The following CEP63 variants were observed in gnomAD, a reference collection of about 807,000 sequenced individuals.
CEP63 encodes centrosomal protein of 63 kDa.
A neutral mutation model predicts 89.1 loss-of-function variants in CEP63; 84 were observed. That is an observed-to-expected ratio of 0.94 (90% CI 0.79 to 1.13). The LOEUF is 1.13. CEP63 is among the 50% of genes most tolerant of loss of function. CEP63 has a pLI of 0.00. For missense variants in CEP63, 838 were observed against 813.3 expected, an observed-to-expected ratio of 1.03 and a Z score of -0.37; for synonymous variants, 267 against 272.5, an observed-to-expected ratio of 0.98 and a Z score of 0.20.
At chr3:134,576,652 G>C (rs1958220191), downstream of CEP63, among the ~76,000 whole-genome samples, 1 of 152,210 alleles carries the variant, frequency 6.6e-6, no homozygotes, top group South Asian at 2.1e-4. Context: ...CATCAAGGCT[G>C]TCACAAGGCC....
chr3:134,499,616 TG>T (rs1941338388), intron 2 of CEP63, among the ~76,000 whole-genome samples: 1 of 152,138 alleles, frequency 6.6e-6, no homozygotes, highest in South Asian at 2.1e-4. Context: ...TTGAAGTCTT[TG>T]TACTGTTTTT....
the CEP63 span, among the ~76,000 whole-genome samples, chr3:134,759,831 T>C: frequency 6.6e-6 from 1 of 152,202 alleles, no homozygotes; most frequent in Non-Finnish European, 1.5e-5. Flanking sequence ...TGCCTGGAAC[T>C]CTTTTCAGCA....
At chr3:134,711,053 A>G in the CEP63 span, among the ~76,000 whole-genome samples, 1 of 152,068 alleles carries the variant, frequency 6.6e-6, no homozygotes, top group Admixed American at 6.5e-5. Flanking sequence ...ATTAGGATTT[A>G]GCCCAAAATT....
At chr3:134,681,498 A>G in the CEP63 span, among the ~76,000 whole-genome samples, 34 of 152,310 alleles carry the variant, frequency 2.2e-4, 1 homozygote, top group South Asian at 7.0e-3. Context: ...GCATGTTAAG[A>G]AGCTGTGATT....
intron 3 of CEP63, among the ~76,000 whole-genome samples, chr3:134,530,955 A>G (rs1024262986): frequency 6.6e-6 from 1 of 152,202 alleles, no homozygotes; most frequent in Admixed American, 6.5e-5. Context: ...GCTGGTTATT[A>G]AAAGAAATAC....
chr3:134,588,882 AG>A, downstream of CEP63, among the ~76,000 whole-genome samples: 1 of 152,322 alleles, frequency 6.6e-6, no homozygotes, highest in East Asian at 1.9e-4. Flanking sequence ...AATAATAAAA[AG>A]CAAACAAGTG....
chr3:134,502,191 G>T (rs1942192141), intron 2 of CEP63, among the ~76,000 whole-genome samples: 1 of 152,090 alleles, frequency 6.6e-6, no homozygotes, highest in East Asian at 1.9e-4. Context: ...CCACTTGATT[G>T]TGATGGATTA....
At chr3:134,577,431 CTTTTTTTT>C (rs10662705), downstream of CEP63, among the ~76,000 whole-genome samples, 1 of 86,326 alleles carries the variant, frequency 1.2e-5, no homozygotes, top group Non-Finnish European at 2.0e-5. Context: ...TTCTAATCCA[CTTTTTTTT>C]TTTTTTTTTT....
chr3:134,739,372 T>C, the CEP63 span, among the ~76,000 whole-genome samples: 1 of 152,214 alleles, frequency 6.6e-6, no homozygotes, highest in Non-Finnish European at 1.5e-5. Context: ...TGACAAGTTA[T>C]TTTAAATTGA....
chr3:134,544,718 A>G (rs1446508636), intron 6 of CEP63, among the ~76,000 whole-genome samples: 1 of 152,054 alleles, frequency 6.6e-6, no homozygotes, highest in African/African-American at 2.4e-5. Context: ...ATAATGCATT[A>G]TAGTTCCTAT....
the CEP63 span, among the ~76,000 whole-genome samples, chr3:134,704,510 G>A: frequency 1.3e-5 from 2 of 152,270 alleles, no homozygotes; most frequent in East Asian, 3.9e-4. Flanking sequence ...GAGAGAGAGA[G>A]AAAATGATGG....
chr3:134,619,015 A>T, the CEP63 span: 14 of 696,414 alleles, frequency 2.0e-5, no homozygotes, highest in African/African-American at 1.8e-4. Flanking sequence ...CCTTTTCAGG[A>T]CTCACTTGGG....
the CEP63 span, among the ~76,000 whole-genome samples, chr3:134,660,457 G>A: frequency 2.2e-4 from 34 of 152,350 alleles, no homozygotes; most frequent in Middle Eastern, 3.4e-3. Context: ...GTAAGGTCAC[G>A]TAGTTCAGAA....
chr3:134,617,116 A>G, the CEP63 span, among the ~76,000 whole-genome samples: 3 of 152,206 alleles, frequency 2.0e-5, no homozygotes, highest in Non-Finnish European at 4.4e-5. Context: ...TAAGTGGTAG[A>G]CCCAGGTCTT....
chr3:134,640,833 C>A, the CEP63 span, among the ~76,000 whole-genome samples: 6 of 152,236 alleles, frequency 3.9e-5, no homozygotes, highest in Non-Finnish European at 8.8e-5. Flanking sequence ...ACCTCTCTTG[C>A]TGGATTATCA....
At chr3:134,693,664 T>C in the CEP63 span, among the ~76,000 whole-genome samples, 1,988 of 152,320 alleles carry the variant, frequency 0.013, 35 homozygotes, top group African/African-American at 0.044. Flanking sequence ...GACGGGATCC[T>C]CTGTAGAGAA....
the CEP63 span, among the ~76,000 whole-genome samples, chr3:134,709,974 T>C: frequency 6.6e-6 from 1 of 152,256 alleles, no homozygotes; most frequent in Non-Finnish European, 1.5e-5. Flanking sequence ...CAGTTTTGTC[T>C]TCTCCCCACT....
intron 3 of CEP63, among the ~76,000 whole-genome samples, chr3:134,528,887 A>G (rs1949288317): frequency 6.6e-6 from 1 of 152,188 alleles, no homozygotes; most frequent in Non-Finnish European, 1.5e-5. Flanking sequence ...TGTTTTAATC[A>G]AACAGATGAG....
chr3:134,682,098 G>T, the CEP63 span, among the ~76,000 whole-genome samples: 1 of 152,156 alleles, frequency 6.6e-6, no homozygotes, highest in African/African-American at 2.4e-5. Flanking sequence ...TAAGCCTCTG[G>T]GAGGGAGTTC....
Sources: allele counts gnomAD v4.1 joint callset (sites outside exome capture counted in the v4.1 genomes callset), GRCh38; gene constraint gnomAD v4.1.1; transcripts MANE v1.5; gene names NCBI Gene and HGNC (gene_info 2026-07-23, HGNC 2026-07-21).